MATN2: variants seen among roughly 807,000 people sequenced by gnomAD.
MATN2 encodes matrilin 2.
MATN2 carries 69 observed loss-of-function variants against 103.2 expected under a neutral mutation model. The ratio of observed to expected loss-of-function variants is 0.67; its 90% confidence interval spans 0.55 to 0.82. MATN2 has a LOEUF of 0.82. Ranked by LOEUF, MATN2 falls within the 40% of genes least tolerant of loss-of-function variation. The pLI, the probability that MATN2 is intolerant of heterozygous loss-of-function variation, is 0.00. For missense variants in MATN2, 1,023 were observed against 1,211.5 expected (o/e 0.84, Z 2.31); for synonymous variants, 429 against 450.2 (o/e 0.95, Z 0.60).
At chr8:97,891,995 G>C (rs547737682) in intron 2 of MATN2, among the ~76,000 whole-genome samples, 1 of 152,008 alleles carries the variant, frequency 6.6e-6, no homozygotes, top group South Asian at 2.1e-4. Context: ...CCAGCACTTT[G>C]GGAGGCTGAG....
intron 4 of MATN2, among the ~76,000 whole-genome samples, chr8:97,948,569 G>T (rs747944833): frequency 2.6e-5 from 4 of 152,112 alleles, no homozygotes; most frequent in Non-Finnish European, 5.9e-5. Flanking sequence ...ATTTTTTGAC[G>T]GAGTGGGAAG....
intron 1 of MATN2, among the ~76,000 whole-genome samples, chr8:97,876,826 G>A (rs1047736670): frequency 9.9e-5 from 15 of 151,948 alleles, no homozygotes; most frequent in African/African-American, 3.6e-4. Context: ...TATGATTGTG[G>A]ATACATTTTT....
At chr8:98,031,253 G>A (rs1349715350) in intron 15 of MATN2, among the ~76,000 whole-genome samples, 4 of 152,000 alleles carry the variant, frequency 2.6e-5, no homozygotes, top group South Asian at 2.1e-4. Context: ...GGGGAGGATC[G>A]TTTGAGCCCT....
intron 1 of MATN2, among the ~76,000 whole-genome samples, chr8:97,877,521 A>G (rs1214329394): frequency 6.6e-6 from 1 of 150,404 alleles, no homozygotes. Context: ...AAGTCTCACT[A>G]TATTGCCCAG....
At chr8:98,017,541 G>A (rs979825726) in intron 11 of MATN2, among the ~76,000 whole-genome samples, 1 of 152,178 alleles carries the variant, frequency 6.6e-6, no homozygotes, top group Non-Finnish European at 1.5e-5. Context: ...TGGGTAACTG[G>A]AATAATTACT....
At chr8:97,995,306 A>G (rs563451371) in intron 7 of MATN2, among the ~76,000 whole-genome samples, 3 of 152,320 alleles carry the variant, frequency 2.0e-5, no homozygotes, top group African/African-American at 7.2e-5. Context: ...TGGCACTCAT[A>G]GATGTGCACA....
intron 4 of MATN2, among the ~76,000 whole-genome samples, chr8:97,956,139 T>C (rs1270925957): frequency 6.6e-6 from 1 of 152,174 alleles, no homozygotes; most frequent in African/African-American, 2.4e-5. Context: ...GCTATCCTTA[T>C]AGGCAGAGAG....
intron 2 of MATN2, among the ~76,000 whole-genome samples, chr8:97,918,371 C>T (rs995538648): frequency 3.3e-5 from 5 of 152,168 alleles, no homozygotes; most frequent in African/African-American, 7.2e-5. Context: ...TTCTATGTGC[C>T]GGCCCTGAGC....
At chr8:97,892,415 C>CAAAAAAA (rs35181049) in intron 2 of MATN2, among the ~76,000 whole-genome samples, 12 of 77,982 alleles carry the variant, frequency 1.5e-4, no homozygotes, top group Non-Finnish European at 2.0e-4. Context: ...GACCCTGTCT[C>CAAAAAAA]AAAAAAAAAA....
At chr8:97,909,165 T>A (rs1819278763) in intron 2 of MATN2, among the ~76,000 whole-genome samples, 1 of 152,192 alleles carries the variant, frequency 6.6e-6, no homozygotes, top group Non-Finnish European at 1.5e-5. Context: ...ACTCCTCAAC[T>A]CAAGCGATCC....
chr8:97,941,956 T>G (rs2086220713), intron 4 of MATN2, 57 bp downstream of exon 4: 5 of 1,589,928 alleles, frequency 3.1e-6, no homozygotes, highest in Non-Finnish European at 4.3e-6. Flanking sequence ...ATCCTCTCCC[T>G]TCTTTTATCT....
intron 2 of MATN2, among the ~76,000 whole-genome samples, chr8:97,891,087 T>C (rs1306749153): frequency 2.0e-5 from 3 of 152,168 alleles, no homozygotes; most frequent in African/African-American, 7.2e-5. Context: ...TTCTACTCTG[T>C]GCCAGATGCC....
intron 2 of MATN2, among the ~76,000 whole-genome samples, chr8:97,908,189 G>A (rs1368546817): frequency 6.6e-6 from 1 of 152,144 alleles, no homozygotes; most frequent in Admixed American, 6.5e-5. Flanking sequence ...CCCGGGAGGT[G>A]GAGGTTGCAG....
At chr8:97,987,908 T>C (rs1438471153) in intron 6 of MATN2, among the ~76,000 whole-genome samples, 2 of 151,360 alleles carry the variant, frequency 1.3e-5, no homozygotes, top group Admixed American at 6.6e-5. Context: ...TTTTAGAAGA[T>C]TAATAAAATT....
chr8:98,000,604 A>AAAAAAAAAAG (rs1554613598), intron 7 of MATN2, among the ~76,000 whole-genome samples: 1 of 127,206 alleles, frequency 7.9e-6, no homozygotes, highest in Non-Finnish European at 1.7e-5. Flanking sequence ...CTCAAAAAAA[A>AAAAAAAAAAG]AAAAAAGAAA....
At chr8:97,884,260 C>A (rs1818352255) in intron 1 of MATN2, among the ~76,000 whole-genome samples, 1 of 151,770 alleles carries the variant, frequency 6.6e-6, no homozygotes, top group South Asian at 2.1e-4. Flanking sequence ...CCTGCCTCAG[C>A]CTTCCAAGTA....
chr8:97,979,078 A>T, intron 6 of MATN2, 70 bp downstream of exon 6: 1 of 1,499,842 alleles, frequency 6.7e-7, no homozygotes. Context: ...TGACCATGGA[A>T]CTCTCTCAAG....
intron 6 of MATN2, among the ~76,000 whole-genome samples, chr8:97,988,833 T>G (rs191763871): frequency 2.8e-4 from 42 of 152,192 alleles, no homozygotes; most frequent in African/African-American, 9.4e-4. Context: ...AATTTTCAAC[T>G]CATCCTATGA....
intron 7 of MATN2, among the ~76,000 whole-genome samples, chr8:97,999,689 C>T (rs910061550): frequency 6.6e-6 from 1 of 152,046 alleles, no homozygotes; most frequent in Non-Finnish European, 1.5e-5. Flanking sequence ...GGAGTGAGCT[C>T]CAGAGAGAGT....
Sources: allele counts gnomAD v4.1 joint callset (sites outside exome capture counted in the v4.1 genomes callset), GRCh38; gene constraint gnomAD v4.1.1; transcripts MANE v1.5; gene names NCBI Gene and HGNC (gene_info 2026-07-23, HGNC 2026-07-21).